The following SNX29 variants were observed in gnomAD, a reference collection of about 807,000 sequenced individuals.
SNX29 encodes sorting nexin 29, also known as sorting nexin-29.
In SNX29, 78 loss-of-function variants were observed where a neutral mutation model predicts 102.1. The ratio of observed to expected loss-of-function variants is 0.76; its 90% CI spans 0.64 to 0.92. The LOEUF (loss-of-function observed/expected upper bound fraction) is 0.92, where lower values mean the gene tolerates loss of function less well. Ranked by LOEUF, SNX29 falls within the 40% of genes least tolerant of loss-of-function variation. The pLI is 0.00. For synonymous variants in SNX29, 580 were observed against 414.5 expected, an observed-to-expected ratio of 1.40 and a Z score of -4.85; for missense variants, 1,280 against 1,061.7, an observed-to-expected ratio of 1.21 and a Z score of -2.86.
intron 8 of SNX29, among the ~76,000 whole-genome samples, chr16:12,054,819 G>C (rs2050453123): frequency 1.3e-5 from 2 of 152,246 alleles, no homozygotes; most frequent in Non-Finnish European, 2.9e-5. Context: ...GGCTAACGCA[G>C]TTGCCTTTCA....
chr16:12,042,141 C>T (rs1189802260), intron 4 of SNX29, among the ~76,000 whole-genome samples: 1 of 152,156 alleles, frequency 6.6e-6, no homozygotes, highest in Non-Finnish European at 1.5e-5. Flanking sequence ...AGTGATTCTC[C>T]TGCCTCAGCC....
intron 11 of SNX29, among the ~76,000 whole-genome samples, chr16:12,116,542 C>T (rs564237358): frequency 2.7e-4 from 41 of 152,080 alleles, no homozygotes; most frequent in Middle Eastern, 3.4e-3. Flanking sequence ...GGTGTGGTGG[C>T]GGGCACTTGT....
At chr16:12,314,119 G>T (rs1567428291) in intron 15 of SNX29, among the ~76,000 whole-genome samples, 1 of 152,214 alleles carries the variant, frequency 6.6e-6, no homozygotes, top group Non-Finnish European at 1.5e-5. Flanking sequence ...CTGAGTAGCT[G>T]GGAGGTCACA....
At chr16:12,225,629 T>G (rs1451184676) in intron 14 of SNX29, among the ~76,000 whole-genome samples, 1 of 152,184 alleles carries the variant, frequency 6.6e-6, no homozygotes, top group South Asian at 2.1e-4. Context: ...TTATCAGCAT[T>G]GTGAAAACGG....
intron 15 of SNX29, among the ~76,000 whole-genome samples, chr16:12,313,643 G>C (rs1336090983): frequency 1.3e-5 from 2 of 152,208 alleles, no homozygotes; most frequent in Admixed American, 6.5e-5. Context: ...TGTTTCATGT[G>C]TGTTATAGCA....
chr16:12,533,529 C>A (rs185203222), intron 20 of SNX29, among the ~76,000 whole-genome samples: 1 of 152,304 alleles, frequency 6.6e-6, no homozygotes, highest in Admixed American at 6.5e-5. Context: ...TCAGCCACTG[C>A]AGCCTTTTGT....
intron 1 of SNX29, among the ~76,000 whole-genome samples, chr16:11,989,432 G>A (rs541582752): frequency 8.5e-5 from 13 of 152,190 alleles, no homozygotes; most frequent in African/African-American, 2.6e-4. Flanking sequence ...TTTTGTCCTG[G>A]GCCAGCTGTG....
At chr16:12,518,671 C>G (rs1353322182) in intron 19 of SNX29, among the ~76,000 whole-genome samples, 1 of 152,182 alleles carries the variant, frequency 6.6e-6, no homozygotes. Flanking sequence ...ATTTAAACTC[C>G]TCGAGGAAAA....
rs187358884 is a variant in SNX29 at position 12,449,745 on chromosome 16, C to T, written c.2038-27974C>T. On this transcript the variant is annotated intron_variant, in intron 18 of 20. Transcript: ENST00000566228. ...GAGCCTGTGGGTTTCCTGCTGACCA[C>T]TATCCCTTCTCTTCCTTGCAACTCC... 6.6e-4 allele frequency among the ~76,000 whole-genome samples: 100 copies of T among 152,356 alleles called. 1 individual carries two copies. The highest frequency in any genetic ancestry group is 2.3e-3 in the African/African-American group (97 of 41,582).
chr16:12,215,949 G>T (rs2077313104), intron 14 of SNX29, among the ~76,000 whole-genome samples: 1 of 152,192 alleles, frequency 6.6e-6, no homozygotes, highest in Non-Finnish European at 1.5e-5. Context: ...GTGCACAGTT[G>T]TGGGGCCTTG....
At chr16:12,515,436 A>G in intron 19 of SNX29, 1 of 463,316 alleles carries the variant, frequency 2.2e-6, no homozygotes, top group South Asian at 1.6e-5. Context: ...CCCCATCCGC[A>G]AGTCACCCCT....
At chr16:11,981,861 G>A (rs1028491295) in intron 1 of SNX29, among the ~76,000 whole-genome samples, 1 of 152,078 alleles carries the variant, frequency 6.6e-6, no homozygotes, top group Admixed American at 6.6e-5. Flanking sequence ...GGATTGATAC[G>A]GATTCATACA....
At chr16:12,353,121 C>G (rs1352103213) in intron 15 of SNX29, among the ~76,000 whole-genome samples, 1 of 152,162 alleles carries the variant, frequency 6.6e-6, no homozygotes, top group African/African-American at 2.4e-5. Flanking sequence ...GCATAATTTA[C>G]CAAATGTCAA....
intron 15 of SNX29, among the ~76,000 whole-genome samples, chr16:12,288,708 G>A (rs1383757758): frequency 6.6e-6 from 1 of 151,430 alleles, no homozygotes; most frequent in East Asian, 1.9e-4. Context: ...AGATAATGAA[G>A]GTAATAGCAG....
chr16:12,173,828 C>A (rs2076202842), intron 13 of SNX29, among the ~76,000 whole-genome samples: 1 of 152,198 alleles, frequency 6.6e-6, no homozygotes, highest in African/African-American at 2.4e-5. Flanking sequence ...ACTCTGTTGC[C>A]CAGGCTGGAG....
chr16:12,559,863 A>G (rs1275243710), intron 20 of SNX29, among the ~76,000 whole-genome samples: 1 of 152,140 alleles, frequency 6.6e-6, no homozygotes, highest in Non-Finnish European at 1.5e-5. Context: ...GATTTAAAAT[A>G]CCAGATTTCA....
At chr16:12,458,360 G>A (rs2086626506) in intron 18 of SNX29, among the ~76,000 whole-genome samples, 1 of 152,174 alleles carries the variant, frequency 6.6e-6, no homozygotes, top group African/African-American at 2.4e-5. Context: ...GTCTTCTGGA[G>A]AAACCAGACG....
intron 14 of SNX29, among the ~76,000 whole-genome samples, chr16:12,215,431 C>T (rs1430021665): frequency 1.3e-5 from 2 of 152,172 alleles, no homozygotes; most frequent in African/African-American, 2.4e-5. Context: ...GCCCCAGGTG[C>T]ACAGCTGGGG....
chr16:12,120,606 A>G (rs1473805465), intron 11 of SNX29, among the ~76,000 whole-genome samples: 1 of 152,096 alleles, frequency 6.6e-6, no homozygotes, highest in African/African-American at 2.4e-5. Flanking sequence ...ATTGCTTTAT[A>G]TAGCAGCCTC....
Sources: allele counts gnomAD v4.1 joint callset (sites outside exome capture counted in the v4.1 genomes callset), GRCh38; gene constraint gnomAD v4.1.1; transcripts MANE v1.5; gene names NCBI Gene and HGNC (gene_info 2026-07-23, HGNC 2026-07-21).